Variants in PCDHA7 observed in about 807,000 individuals in gnomAD.
PCDHA7 encodes protocadherin alpha 7.
Under a neutral mutation model 57.2 loss-of-function variants are expected in PCDHA7, and 37 were observed. That is an observed-to-expected ratio of 0.65 (90% CI 0.50 to 0.85). The LOEUF (loss-of-function observed/expected upper bound fraction) is 0.85. Ranked by LOEUF, PCDHA7 falls within the 40% of genes least tolerant of loss-of-function variation. The pLI is 0.00. For synonymous variants in PCDHA7, 553 were observed against 558.8 expected (o/e 0.99, Z 0.15); for missense variants, 1,188 against 1,241.8 (o/e 0.96, Z 0.65).
At chr5:140,851,475 T>C (rs1554145417) in intron 1 of PCDHA7, 2 of 890,456 alleles carry the variant, frequency 2.2e-6, no homozygotes, top group African/African-American at 3.6e-5. Flanking sequence ...CAATAAATGT[T>C]ATAAACACAG....
chr5:140,993,460 TCTCACACACACA>T (rs2097560533), intron 3 of PCDHA7, among the ~76,000 whole-genome samples: 2 of 104,506 alleles, frequency 1.9e-5, no homozygotes, highest in South Asian at 3.7e-4. Context: ...CTTCTTTCTT[TCTCACACACACA>T]CACACACACA....
At chr5:140,897,130 C>A (rs913808184) in intron 1 of PCDHA7, among the ~76,000 whole-genome samples, 11 of 152,118 alleles carry the variant, frequency 7.2e-5, no homozygotes, top group Non-Finnish European at 5.9e-5. Flanking sequence ...CCCCACTAAA[C>A]TTTCTAGCCT....
chr5:140,853,569 G>A lies in PCDHA7; in HGVS notation c.2355+16831G>A. On this transcript the variant is annotated intron_variant, in intron 1 of 3. Transcript: ENST00000525929. ...ATTACTATATAGGAAAAACTAAGTT[G>A]TCACCCAATATCTTAGACACTTTGA... 1.3e-5 allele frequency: 13 copies of A among 981,402 alleles called. 1 individual carries two copies. The highest frequency in any genetic ancestry group is 1.6e-5 in the Non-Finnish European group (13 of 813,896). 60.8% of individuals were successfully genotyped at this position (981,402 alleles called of 1,614,324 possible).
At chr5:141,002,491 A>G (rs1244268735) in intron 3 of PCDHA7, among the ~76,000 whole-genome samples, 1 of 152,214 alleles carries the variant, frequency 6.6e-6, no homozygotes, top group Non-Finnish European at 1.5e-5. Flanking sequence ...TGACCTTGTT[A>G]TACAGCTCAG....
chr5:140,980,259 G>T (rs1200649581), intron 2 of PCDHA7, among the ~76,000 whole-genome samples: 1 of 152,192 alleles, frequency 6.6e-6, no homozygotes. Flanking sequence ...TAAAAGCATG[G>T]TTTACAGTAC....
At chr5:140,860,143 GTA>G (rs1352808505) in intron 1 of PCDHA7, 2 of 148,758 alleles carry the variant, frequency 1.3e-5, no homozygotes, top group Non-Finnish European at 3.0e-5. Flanking sequence ...GTATATATAT[GTA>G]TATATGTGTA....
Position 140,836,112 on chromosome 5 carries a change from G to A in PCDHA7, c.1729G>A (p.Val577Met). The A allele has an allele frequency of 1.2e-6, 2 of 1,613,758 alleles. No homozygotes were observed. Among genetic ancestry groups the A allele is most frequent in the South Asian group, 2.2e-5 (2 of 91,072 alleles). Reference protein sequence around the residue: ...APRVGGTGGAVRELVPRSVGA... With the variant: ...APRVGGTGGAMRELVPRSVGA... ...TCGGGTGGGTGGCACTGGTGGCGCA[G>A]TGAGAGAGCTTGTGCCGCGGTCTGT... The change falls in exon 1 of 4, where the codon GTG becomes ATG. Residue 577 changes from valine (V) to methionine (M), a missense_variant. Val to Met is a conservative substitution (Grantham distance 21). Around this residue, in one of 3 missense-constraint regions of PCDHA7, gnomAD observed 892 missense variants for 788.5 expected, o/e 1.13. Transcript: ENST00000525929.
chr5:140,867,957 CA>C (rs1271215913), intron 1 of PCDHA7: 1 of 152,006 alleles, frequency 6.6e-6, no homozygotes, highest in Non-Finnish European at 1.5e-5. Flanking sequence ...CTCCCAAACC[CA>C]AAATTCTTTC....
chr5:140,873,437 T>C (rs1554166716), intron 1 of PCDHA7, among the ~76,000 whole-genome samples: 1 of 152,200 alleles, frequency 6.6e-6, no homozygotes, highest in Non-Finnish European at 1.5e-5. Flanking sequence ...TTATATCACA[T>C]AAATAACAAA....
intron 1 of PCDHA7, chr5:140,850,847 G>A: frequency 6.3e-7 from 1 of 1,596,668 alleles, no homozygotes; most frequent in South Asian, 1.1e-5. Context: ...GATCTACAGA[G>A]CGAACGGGAG....
intron 1 of PCDHA7, among the ~76,000 whole-genome samples, chr5:140,941,058 T>C (rs1554213707): frequency 6.6e-6 from 1 of 152,106 alleles, no homozygotes; most frequent in East Asian, 1.9e-4. Context: ...TCCCCAGCAG[T>C]TTTCTGGGCT....
chr5:140,994,272 CT>C (rs1359828811), intron 3 of PCDHA7, among the ~76,000 whole-genome samples: 4 of 152,168 alleles, frequency 2.6e-5, no homozygotes, highest in African/African-American at 9.7e-5. Flanking sequence ...GCTAGGCTGC[CT>C]TTCTTGAGAC....
At position 141,009,688 on chromosome 5, in the gene PCDHA7, C is replaced by A. The variant is rs2098413722; in HGVS notation, c.2565C>A (p.Thr855=). 1 of 1,613,960 alleles carries A rather than the reference C, an allele frequency of 6.2e-7. No individual in the cohort carries two copies. Among genetic ancestry groups the A allele is most frequent in the Admixed American group, 1.7e-5 (1 of 59,994 alleles). ...CGGGTGTCAACAGCAACAGCTGGAC[C>A]TTTAAATACGGACCAGGCAACCCCA... ...VGAGVNSNSW[T]FKYGPGNPKQ... is the part of the protein sequence containing the mutation. Residue 855 remains threonine, a synonymous_variant, in exon 4 of 4, where the codon ACC becomes ACA. Transcript: ENST00000525929.
At chr5:140,867,018 T>C (rs1445969805) in intron 1 of PCDHA7, 1 of 152,176 alleles carries the variant, frequency 6.6e-6, no homozygotes, top group Non-Finnish European at 1.5e-5. Context: ...TCATACACTA[T>C]ATCAAACTCT....
At chr5:140,960,446 T>C (rs1563310715) in intron 1 of PCDHA7, among the ~76,000 whole-genome samples, 2 of 152,204 alleles carry the variant, frequency 1.3e-5, no homozygotes, top group African/African-American at 4.8e-5. Context: ...GATATATGTA[T>C]GGATAATTTT....
At chr5:140,988,058 A>G (rs2097280755) in intron 3 of PCDHA7, among the ~76,000 whole-genome samples, 1 of 152,200 alleles carries the variant, frequency 6.6e-6, no homozygotes, top group African/African-American at 2.4e-5. Flanking sequence ...CACTGTCAAC[A>G]TGAATTTTTC....
At chr5:140,925,084 A>AGGAAGGAAGGAAGGAAGGAAGGAG (rs1554202501) in intron 1 of PCDHA7, among the ~76,000 whole-genome samples, 2 of 144,612 alleles carry the variant, frequency 1.4e-5, no homozygotes, top group African/African-American at 5.6e-5. Context: ...TCATCTGGAA[A>AGGAAGGAAGGAAGGAAGGAAGGAG]GGAAGGAAGG....
chr5:140,966,937 C>T (rs2096072123), intron 1 of PCDHA7: 6 of 1,604,032 alleles, frequency 3.7e-6, no homozygotes, highest in Non-Finnish European at 5.1e-6. Flanking sequence ...CCGGCGCGCT[C>T]GTGGGCAACG....
chr5:140,886,841 A>AG (rs1432829346), intron 1 of PCDHA7, among the ~76,000 whole-genome samples: 1 of 151,546 alleles, frequency 6.6e-6, no homozygotes, highest in Non-Finnish European at 1.5e-5. Flanking sequence ...AAAAAAAAAA[A>AG]AAAAAAGAAA....
Sources: allele counts gnomAD v4.1 joint callset (sites outside exome capture counted in the v4.1 genomes callset), GRCh38; gene constraint gnomAD v4.1.1; regional missense constraint gnomAD v4.1.1; transcripts MANE v1.5; gene names NCBI Gene and HGNC (gene_info 2026-07-23, HGNC 2026-07-21).